Variants in CSMD2 observed in about 807,000 individuals in gnomAD.
CSMD2 encodes CUB and sushi domain-containing protein 2.
In CSMD2, 130 loss-of-function variants were observed where a neutral mutation model predicts 398.5. The ratio of observed to expected loss-of-function variants is 0.33; its 90% CI spans 0.28 to 0.38. The LOEUF (loss-of-function observed/expected upper bound fraction) is 0.38, where lower values mean the gene tolerates loss of function less well. Among genes scored for constraint, CSMD2 ranks in the 10% least tolerant of loss-of-function variants. CSMD2 has a pLI of 1.00. For synonymous variants in CSMD2, 1,828 were observed against 1,908.5 expected (o/e 0.96, Z 1.10); for missense variants, 3,829 against 4,764.9 (o/e 0.80, Z 5.78).
At chr1:33,919,066 G>A (rs983502301) in intron 4 of CSMD2, among the ~76,000 whole-genome samples, 7 of 152,198 alleles carry the variant, frequency 4.6e-5, no homozygotes, top group Non-Finnish European at 7.3e-5. Context: ...TCAGGGAAGC[G>A]CATGGGATGC....
At chr1:33,731,174 G>A (rs866911143) in intron 15 of CSMD2, among the ~76,000 whole-genome samples, 2 of 152,054 alleles carry the variant, frequency 1.3e-5, no homozygotes, top group South Asian at 2.1e-4. Context: ...AGGTGTTAGG[G>A]AATCAACTCA....
chr1:33,548,808 A>C (rs1657152745), intron 56 of CSMD2, among the ~76,000 whole-genome samples: 1 of 146,558 alleles, frequency 6.8e-6, no homozygotes, highest in African/African-American at 2.5e-5. Flanking sequence ...CTGGAGAGGC[A>C]ATGTACATGA....
chr1:33,865,769 A>C (rs1022520614), intron 5 of CSMD2, among the ~76,000 whole-genome samples: 3 of 152,304 alleles, frequency 2.0e-5, no homozygotes, highest in Non-Finnish European at 2.9e-5. Context: ...GATGAACAAC[A>C]CATTTCATTT....
chr1:33,647,014 T>G (rs1202041719), intron 28 of CSMD2, among the ~76,000 whole-genome samples, 179 bp from the exon 29 acceptor site: 6 of 151,984 alleles, frequency 3.9e-5, no homozygotes, highest in Non-Finnish European at 7.4e-5. Context: ...ATGACCTCAG[T>G]CAGGTGAGAA....
chr1:33,871,711 G>A (rs754310418), intron 5 of CSMD2, among the ~76,000 whole-genome samples: 1 of 152,130 alleles, frequency 6.6e-6, no homozygotes, highest in South Asian at 2.1e-4. Flanking sequence ...TCACCTCCTG[G>A]GTTCAAGTGA....
intron 37 of CSMD2, among the ~76,000 whole-genome samples, chr1:33,621,294 T>C (rs1347136623): frequency 1.3e-5 from 2 of 152,184 alleles, no homozygotes; most frequent in Non-Finnish European, 2.9e-5. Flanking sequence ...ACATTGCAGG[T>C]GCTCAATGTT....
intron 25 of CSMD2, among the ~76,000 whole-genome samples, chr1:33,677,300 G>C (rs1348212902): frequency 6.6e-6 from 1 of 152,094 alleles, no homozygotes; most frequent in Non-Finnish European, 1.5e-5. Context: ...AGTGGGCAAC[G>C]GATATGAACA....
In CSMD2 at chr1:33,825,948, C is replaced by T. The variant is rs377518933; in HGVS notation, c.1034-174G>A. Among the ~76,000 whole-genome samples the T allele has an allele frequency of 1.2e-4, 18 of 152,270 alleles. 1 individual carries two copies. The East Asian group carries it at 3.3e-3, about 28-fold the overall frequency. On this transcript the variant is annotated intron_variant, in intron 6 of 70. Transcript: ENST00000373381. ...TGGTCAAGGGCAATAGGACCTCAGACATGAAGGAAAAGTTACTATCAAGGC... is the reference window on the plus strand; with the variant it reads ...TGGTCAAGGGCAATAGGACCTCAGATATGAAGGAAAAGTTACTATCAAGGC...
chr1:33,724,804 A>G (rs1269032208), intron 17 of CSMD2, 100 bp from the exon 18 acceptor site: 48 of 1,163,224 alleles, frequency 4.1e-5, no homozygotes, highest in Non-Finnish European at 5.8e-5. Flanking sequence ...GGTTTATTAA[A>G]GGCAGAAGTT....
rs753949180 is a variant in CSMD2 at position 33,602,365 on chromosome 1, C to A, written c.6710+4G>T. 3 of 1,613,856 alleles carry A rather than the reference C, an allele frequency of 1.9e-6. No individual in the cohort carries two copies. The highest frequency in any genetic ancestry group is 2.2e-5 in the South Asian group (2 of 91,034). On this transcript the variant is annotated splice_donor_region_variant and intron_variant, in intron 43 of 70. Coordinates refer to ENST00000373381, the MANE Select transcript of CSMD2 (RefSeq NM_001281956.2). ...ATTGGCTGTTGACATGGCACCTGGC[C>A]TACCAGATGGTGATGAAATCTCCAG...
intron 1 of CSMD2, among the ~76,000 whole-genome samples, chr1:34,117,094 A>G (rs1661673296): frequency 6.6e-6 from 1 of 152,228 alleles, no homozygotes; most frequent in South Asian, 2.1e-4. Context: ...CTAGAGAAAG[A>G]ACAAACTAAA....
Position 33,847,672 on chromosome 1 carries a change from G to A in CSMD2, c.921-676C>T, listed in dbSNP as rs562624142. Among the ~76,000 whole-genome samples, 3 of 152,212 alleles carry A rather than the reference G, an allele frequency of 2.0e-5. No individual in the cohort carries two copies. In the South Asian group the frequency reaches 6.2e-4, roughly 32 times the overall value. On this transcript the variant is annotated intron_variant, in intron 5 of 70. Coordinates refer to ENST00000373381, the MANE Select transcript of CSMD2 (RefSeq NM_001281956.2). ...TTATTCAAATTATAATTCAGTTATA[G>A]AAGTGTGTGGTTTCCTTAAGATAAC...
Position 34,120,198 on chromosome 1 carries a change from A to G in CSMD2, c.188-31005T>C, listed in dbSNP as rs1371669456. ...AAATAAGTCATTAAACCTATAAATA[A>G]GTCACAAAAAGATATTACTGCATGA... On this transcript the variant is annotated intron_variant, in intron 1 of 70. Coordinates refer to ENST00000373381, the MANE Select transcript of CSMD2 (RefSeq NM_001281956.2). Among the ~76,000 whole-genome samples the G allele has an allele frequency of 2.0e-5, 3 of 152,356 alleles. No individual in the cohort carries two copies. In the East Asian group the frequency reaches 5.8e-4, roughly 29 times the overall value.
At chr1:33,649,360 C>T (rs1229399834) in intron 28 of CSMD2, among the ~76,000 whole-genome samples, 1 of 152,188 alleles carries the variant, frequency 6.6e-6, no homozygotes, top group South Asian at 2.1e-4. Context: ...CATCAACATA[C>T]AGGCTGGGCA....
At chr1:33,843,483 A>G (rs1387024470) in intron 6 of CSMD2, among the ~76,000 whole-genome samples, 7 of 152,240 alleles carry the variant, frequency 4.6e-5, no homozygotes, top group Non-Finnish European at 8.8e-5. Context: ...GAAGTGCCAT[A>G]AATCACTTAA....
At chr1:33,800,718 T>C (rs2124919724) in intron 10 of CSMD2, among the ~76,000 whole-genome samples, 1 of 152,170 alleles carries the variant, frequency 6.6e-6, no homozygotes, top group East Asian at 1.9e-4. Context: ...AGGGTTTGTC[T>C]TCAGCAACAG....
chr1:33,738,559 C>T (rs1016818846), intron 15 of CSMD2, among the ~76,000 whole-genome samples: 3 of 152,192 alleles, frequency 2.0e-5, no homozygotes, highest in Admixed American at 6.5e-5. Context: ...TCTTGTGTGG[C>T]GAGGCAGGAC....
At position 33,600,636 on chromosome 1, in the gene CSMD2, G is replaced by A. The variant is rs1640150907; in HGVS notation, c.6856+229C>T. The A allele has an allele frequency of 5.2e-6, 3 of 578,960 alleles. No individual in the cohort carries two copies. In the East Asian group the frequency reaches 8.7e-5, roughly 17 times the overall value. 35.9% of individuals were successfully genotyped at this position (578,960 alleles called of 1,614,324 possible). ...AAGGTTTGGGCTTCTGTGCCTCTCTGCCCTGGCAGTGTGGAATAGGAGGAA... is the reference window on the plus strand; with the variant it reads ...AAGGTTTGGGCTTCTGTGCCTCTCTACCCTGGCAGTGTGGAATAGGAGGAA... On this transcript the variant is annotated intron_variant, in intron 44 of 70. Coordinates refer to ENST00000373381, the MANE Select transcript of CSMD2 (RefSeq NM_001281956.2).
At chr1:33,977,304 G>T (rs1293079817) in intron 3 of CSMD2, among the ~76,000 whole-genome samples, 2 of 151,910 alleles carry the variant, frequency 1.3e-5, no homozygotes, top group Non-Finnish European at 1.5e-5. Flanking sequence ...GACCCTGTGG[G>T]AACAGGAGAT....
Sources: gnomAD v4.1 joint callset for allele counts (sites outside exome capture counted in the v4.1 genomes callset) on GRCh38, gnomAD v4.1.1 for gene constraint, MANE v1.5 for transcripts, NCBI Gene and HGNC (gene_info 2026-07-23, HGNC 2026-07-21) for gene names.